Variants in THSD7B observed in about 807,000 individuals in gnomAD.
The protein encoded by THSD7B is thrombospondin type-1 domain-containing protein 7B.
THSD7B carries 138 observed loss-of-function variants against 213.6 expected under a neutral mutation model. That is an observed-to-expected ratio of 0.65 (90% confidence interval 0.56 to 0.74). The LOEUF (loss-of-function observed/expected upper bound fraction) is 0.74, where lower values mean the gene tolerates loss of function less well. THSD7B is among the 30% of genes least tolerant of loss of function. THSD7B has a pLI of 0.00. For synonymous variants in THSD7B, 742 were observed against 687.0 expected (o/e 1.08, Z -1.25); for missense variants, 1,931 against 1,991.5 (o/e 0.97, Z 0.58).
At chr2:137,379,302 T>A (rs1233159892) in intron 12 of THSD7B, among the ~76,000 whole-genome samples, 1 of 152,220 alleles carries the variant, frequency 6.6e-6, no homozygotes, top group African/African-American at 2.4e-5. Context: ...AAGTTTATAA[T>A]TGGGCTCCTG....
At chr2:137,339,601 C>A (rs150612816) in intron 12 of THSD7B, among the ~76,000 whole-genome samples, 1 of 151,756 alleles carries the variant, frequency 6.6e-6, no homozygotes, top group East Asian at 1.9e-4. Context: ...AAATTGATCT[C>A]TCAATGACAG....
chr2:137,544,361 T>C (rs76784838), intron 15 of THSD7B, among the ~76,000 whole-genome samples: 11,089 of 151,792 alleles, frequency 0.073, 450 homozygotes, highest in African/African-American at 0.089. Context: ...ATAGATTATA[T>C]CATTCTATTT....
intron 4 of THSD7B, among the ~76,000 whole-genome samples, chr2:137,100,950 TATC>T (rs938683986): frequency 1.1e-4 from 17 of 152,188 alleles, no homozygotes; most frequent in Non-Finnish European, 1.9e-4. Context: ...TGAGGAATGA[TATC>T]ATAGTCTGAA....
intron 18 of THSD7B, among the ~76,000 whole-genome samples, chr2:137,617,268 G>A (rs967867983): frequency 1.3e-5 from 2 of 152,174 alleles, no homozygotes; most frequent in Non-Finnish European, 2.9e-5. Context: ...TACTATACAT[G>A]GGTTTGCTAT....
intron 2 of THSD7B, among the ~76,000 whole-genome samples, chr2:136,966,850 A>G (rs1048444231): frequency 6.6e-6 from 1 of 152,168 alleles, no homozygotes; most frequent in African/African-American, 2.4e-5. Context: ...ATGTTCCAAG[A>G]TATAGCTCAA....
intron 12 of THSD7B, among the ~76,000 whole-genome samples, chr2:137,381,896 C>T (rs1360508660): frequency 6.6e-6 from 1 of 152,188 alleles, no homozygotes; most frequent in Non-Finnish European, 1.5e-5. Context: ...GATGAGGGAA[C>T]TGGCCAAGGT....
chr2:137,593,785 C>A (rs1015315317), intron 17 of THSD7B, among the ~76,000 whole-genome samples: 1 of 151,754 alleles, frequency 6.6e-6, no homozygotes, highest in African/African-American at 2.4e-5. Context: ...TCTGTTGATG[C>A]CAAATTTATC....
At chr2:137,414,228 C>CAAG (rs1375185581) in intron 14 of THSD7B, among the ~76,000 whole-genome samples, 5 of 151,968 alleles carry the variant, frequency 3.3e-5, no homozygotes, top group African/African-American at 1.2e-4. Context: ...AGCCTCATAA[C>CAAG]TTTTATGGTA....
chr2:137,012,376 A>G (rs1686247809), intron 2 of THSD7B, among the ~76,000 whole-genome samples: 1 of 152,198 alleles, frequency 6.6e-6, no homozygotes, highest in African/African-American at 2.4e-5. Flanking sequence ...TGGTTACATA[A>G]CCACTTGAAA....
chr2:137,411,553 C>A, intron 13 of THSD7B, 56 bp from the exon 14 acceptor site: 14 of 1,502,768 alleles, frequency 9.3e-6, no homozygotes, highest in Non-Finnish European at 1.3e-5. Context: ...GTGTGAGTGA[C>A]TTTTAACAAA....
intron 2 of THSD7B, among the ~76,000 whole-genome samples, chr2:136,986,051 G>A (rs1285441664): frequency 1.3e-5 from 2 of 152,146 alleles, no homozygotes; most frequent in African/African-American, 4.8e-5. Context: ...GATACCTAAT[G>A]CATGTACCAC....
chr2:136,941,503 C>A (rs919586285), intron 2 of THSD7B, among the ~76,000 whole-genome samples: 12 of 152,198 alleles, frequency 7.9e-5, no homozygotes, highest in Non-Finnish European at 1.5e-4. Flanking sequence ...TTCTCCACAT[C>A]CTCTCCAGCA....
Position 137,073,528 on chromosome 2 carries a change from A to T in THSD7B, c.950+16298A>T, listed in dbSNP as rs189370555. ...TCTATCAATTTTGTTGATCGTTCAA[A>T]AAAACAGCTCCTGGATTCATTGATT... On this transcript the variant is annotated intron_variant, in intron 3 of 27. Transcript: ENST00000409968. Among the ~76,000 whole-genome samples the T allele has an allele frequency of 1.1e-3, 174 of 152,280 alleles. 1 individual carries two copies. The highest frequency in any genetic ancestry group is 4.0e-3 in the African/African-American group (168 of 41,554).
chr2:137,503,234 G>T (rs898287757), intron 15 of THSD7B, among the ~76,000 whole-genome samples: 1 of 152,064 alleles, frequency 6.6e-6, no homozygotes, highest in Non-Finnish European at 1.5e-5. Context: ...GTATACAATA[G>T]AGTTCAGTGA....
Position 137,620,617 on chromosome 2 carries a change from G to C in THSD7B, c.3690G>C (p.Leu1230Phe), listed in dbSNP as rs372987071. ...TTCATTTCCATTTGCAGCATAATTT[G>C]GAGAAGCCCCAGAGAATGAGCATTC... is the stretch of plus-strand genomic sequence containing the variant. ...VSMDQCEQHN[L>F]EKPQRMSIPC... Residue 1230 changes from leucine (L) to phenylalanine (F), a missense_variant, in exon 20 of 28, where the codon TTG becomes TTC. Physicochemically the swap from Leu to Phe is conservative, Grantham distance 22 (BLOSUM62 0). Transcript: ENST00000409968. 2.5e-5 allele frequency: 40 copies of C among 1,612,862 alleles called. No homozygotes were observed. Among genetic ancestry groups the C allele is most frequent in the Non-Finnish European group, 3.2e-5 (38 of 1,179,268 alleles).
chr2:137,225,790 A>C (rs1049414889), intron 7 of THSD7B, among the ~76,000 whole-genome samples: 1 of 146,528 alleles, frequency 6.8e-6, no homozygotes, highest in African/African-American at 2.4e-5. Context: ...TATTTCCTAT[A>C]TGTGTAAGCT....
chr2:136,780,956 C>A (rs906874408), intron 1 of THSD7B, among the ~76,000 whole-genome samples: 1 of 152,064 alleles, frequency 6.6e-6, no homozygotes, highest in East Asian at 1.9e-4. Context: ...AACACCGATG[C>A]CTCCAATGCC....
chr2:137,197,263 A>G (rs921151656), intron 7 of THSD7B, among the ~76,000 whole-genome samples: 5 of 152,292 alleles, frequency 3.3e-5, no homozygotes, highest in African/African-American at 1.2e-4. Context: ...TCCACTGCTT[A>G]TGTACACAGC....
At chr2:137,108,809 T>G (rs1222849410) in intron 4 of THSD7B, among the ~76,000 whole-genome samples, 2 of 152,112 alleles carry the variant, frequency 1.3e-5, no homozygotes, top group Non-Finnish European at 2.9e-5. Context: ...GGGCAATGAG[T>G]ATCAGGCATG....
Sources: allele counts gnomAD v4.1 joint callset (sites outside exome capture counted in the v4.1 genomes callset), GRCh38; gene constraint gnomAD v4.1.1; transcripts MANE v1.5; gene names NCBI Gene and HGNC (gene_info 2026-07-23, HGNC 2026-07-21).